AKNA: variants seen among roughly 807,000 people sequenced by gnomAD.
AKNA encodes the protein AT-hook transcription factor.
A neutral mutation model predicts 138.8 loss-of-function variants in AKNA; 67 were observed. The observed-to-expected ratio is 0.48, with a 90% CI of 0.40 to 0.59. AKNA has a LOEUF of 0.59. AKNA is among the 20% of genes least tolerant of loss of function. AKNA has a pLI of 0.00. For missense variants in AKNA, 1,813 were observed against 1,880.4 expected (o/e 0.96, Z 0.66); for synonymous variants, 737 against 754.4 (o/e 0.98, Z 0.38).
rs543776273 is a variant in AKNA at position 114,345,875 on chromosome 9, C to T, written c.3649G>A (p.Gly1217Ser). The T allele has an allele frequency of 6.2e-7, 1 of 1,614,066 alleles. No individual in the cohort carries two copies. The highest frequency in any genetic ancestry group is 1.1e-5 in the South Asian group (1 of 91,074). Residue 1217 changes from glycine (G) to serine (S), a missense_variant, in exon 18 of 22, where the codon GGC (glycine) becomes AGC (serine). Gly to Ser is a moderately conservative substitution (Grantham distance 56, BLOSUM62 0). Coordinates refer to ENST00000374088, the MANE Select transcript of AKNA (RefSeq NM_001317950.2). Reference sequence around the variant, plus strand: ...CCTCCTGACCTACCTGTGTATTGGCCCCGGAAGGTGACCCTGTCTGGCCAT... The same window carrying T: ...CCTCCTGACCTACCTGTGTATTGGCTCCGGAAGGTGACCCTGTCTGGCCAT... Reference protein sequence around the residue: ...AGWPDRVTFRGQYTGHEYHVL... With the variant: ...AGWPDRVTFRSQYTGHEYHVL...
In AKNA at chr9:114,343,736, G is replaced by C. The variant is rs968655172; in HGVS notation, c.3729C>G (p.His1243Gln). Residue 1243 changes from histidine (H) to glutamine (Q), a missense_variant, in exon 19 of 22, where the codon CAC becomes CAG. Transcript: ENST00000374088. The stretch of plus-strand genomic sequence containing the variant: ...CATCCTGGGTCCTAATGGGCCGGCA[G>C]TGGGGACAGGAGACTGTGCCATTGC... ...PKGNGTVSCPHCRPIRTQDAG... is the reference protein window; with the variant it reads ...PKGNGTVSCPQCRPIRTQDAG... 1.2e-6 allele frequency: 2 copies of C among 1,614,124 alleles called. No homozygotes were observed. The highest frequency in any genetic ancestry group is 1.7e-5 in the Admixed American group (1 of 60,012).
At chr9:114,391,867 A>AC (rs1834356047), upstream of AKNA, among the ~76,000 whole-genome samples, 1 of 149,646 alleles carries the variant, frequency 6.7e-6, no homozygotes, top group South Asian at 2.1e-4. Flanking sequence ...AAAAAAAAAA[A>AC]AAAAAAACAC....
chr9:114,380,080 G>T (rs1480524560), intron 2 of AKNA, among the ~76,000 whole-genome samples: 1 of 152,054 alleles, frequency 6.6e-6, no homozygotes, highest in Non-Finnish European at 1.5e-5. Context: ...GAGCCAGAAA[G>T]GTCGAGGCTG....
intron 14 of AKNA, among the ~76,000 whole-genome samples, chr9:114,353,949 G>A (rs756589352): frequency 6.6e-6 from 1 of 152,312 alleles, no homozygotes. Context: ...GGACATTACT[G>A]TACACTGCTG....
In AKNA at chr9:114,377,264, GT is replaced by G. The variant is rs1043441170; in HGVS notation, c.542del (p.Asp181AlafsTer26). ...TGACCTCGGAATGTTCAGAAAGTTTGTCCCCACTGGCTTGTTCGCCAGAAGC... is the reference window on the plus strand; with the variant it reads ...TGACCTCGGAATGTTCAGAAAGTTTGCCCCACTGGCTTGTTCGCCAGAAGC... ...WVASGEQASG[D>X]KLSEHSEVNP... On this transcript the variant is annotated frameshift_variant, in exon 3 of 22. Coordinates refer to ENST00000374088, the MANE Select transcript of AKNA (RefSeq NM_001317950.2). LOFTEE classifies it high-confidence loss of function. The G allele has an allele frequency of 6.2e-7, 1 of 1,614,172 alleles. No homozygotes were observed. Among genetic ancestry groups the G allele is most frequent in the African/African-American group, 1.3e-5 (1 of 75,048 alleles).
In AKNA at chr9:114,338,828, G is replaced by A. The variant is rs138510940; in HGVS notation, c.4068-1522C>T. On this transcript the variant is annotated intron_variant, in intron 21 of 21. Transcript: ENST00000374088. ...GCTCCGGTAAGTGCTCCATAAACGT[G>A]AGCTCCTAAGACCCAGAGTCAGACA... Among the ~76,000 whole-genome samples the A allele has an allele frequency of 3.9e-4, 59 of 152,310 alleles. No individual in the cohort carries two copies. In the East Asian group the frequency reaches 0.011, roughly 28 times the overall value.
chr9:114,355,111 T>A (rs58774465), intron 14 of AKNA, among the ~76,000 whole-genome samples: 2,760 of 151,310 alleles, frequency 0.018, 80 homozygotes, highest in African/African-American at 0.063. Flanking sequence ...TAAGTGATCC[T>A]CCCACCTTGG....
chr9:114,390,199 G>C (rs1358075971), upstream of AKNA, among the ~76,000 whole-genome samples: 1 of 152,132 alleles, frequency 6.6e-6, no homozygotes, highest in African/African-American at 2.4e-5. Flanking sequence ...AGTGCAGTCT[G>C]TTCCATTTCC....
At chr9:114,342,167 A>C in intron 19 of AKNA, 42 bp from the exon 20 acceptor site, 2 of 1,424,244 alleles carry the variant, frequency 1.4e-6, no homozygotes, top group African/African-American at 1.4e-5. Context: ...ATTACATCTA[A>C]ATCATCAGAT....
intron 15 of AKNA, among the ~76,000 whole-genome samples, chr9:114,348,333 T>C (rs1049963448): frequency 6.6e-6 from 1 of 152,212 alleles, no homozygotes; most frequent in Non-Finnish European, 1.5e-5. Flanking sequence ...TGGCAGAAGA[T>C]GCTTGTCCAC....
chr9:114,387,596 G>A (rs1172621697), intron 1 of AKNA, among the ~76,000 whole-genome samples: 1 of 152,190 alleles, frequency 6.6e-6, no homozygotes, highest in Non-Finnish European at 1.5e-5. Context: ...CACAGAGATG[G>A]ACCCGCCTAC....
intron 19 of AKNA, 32 bp downstream of exon 19, chr9:114,343,676 C>T: frequency 6.2e-7 from 1 of 1,607,126 alleles, no homozygotes; most frequent in Non-Finnish European, 8.5e-7. Context: ...GCCACAGCTG[C>T]CTGGGCCAGT....
intron 6 of AKNA, among the ~76,000 whole-genome samples, chr9:114,367,271 G>A (rs976675295): frequency 1.3e-5 from 2 of 152,116 alleles, no homozygotes; most frequent in African/African-American, 2.4e-5. Context: ...CCAGCCTAGA[G>A]ACACTTCCAA....
chr9:114,337,365 A>G, intron 21 of AKNA, 59 bp from the exon 22 acceptor site: 1 of 1,374,674 alleles, frequency 7.3e-7, no homozygotes, highest in Non-Finnish European at 9.5e-7. Context: ...CAAGCCGAGG[A>G]GCACCGTGTG....
chr9:114,349,771 AC>A (rs1830976871), intron 15 of AKNA, among the ~76,000 whole-genome samples: 1 of 151,236 alleles, frequency 6.6e-6, no homozygotes, highest in East Asian at 1.9e-4. Context: ...TCAACACTCC[AC>A]CCCCTCACAC....
intron 14 of AKNA, among the ~76,000 whole-genome samples, chr9:114,354,537 C>A (rs1033642836): frequency 6.6e-6 from 1 of 151,908 alleles, no homozygotes; most frequent in African/African-American, 2.4e-5. Context: ...CACGGTGAAA[C>A]CCCGTCTCTA....
In AKNA at chr9:114,377,322, G is replaced by A; in HGVS notation, c.485C>T (p.Ala162Val). 1 of 1,614,094 alleles carries A rather than the reference G, an allele frequency of 6.2e-7. No individual in the cohort carries two copies. The highest frequency in any genetic ancestry group is 1.7e-5 in the Admixed American group (1 of 60,016). ...GCCCCTGGCCTGACCATGCCCAAGA[G>A]CCATGGGGCTGGTGTTTCCATGGCC... Reference protein sequence around the residue: ...LEGHGNTSPMALGHGQARGWV... With the variant: ...LEGHGNTSPMVLGHGQARGWV... Residue 162 changes from alanine (A) to valine (V), a missense_variant, in exon 3 of 22, where the codon GCT becomes GTT. Ala to Val is a moderately conservative substitution (Grantham distance 64). Transcript: ENST00000374088.
intron 16 of AKNA, 104 bp downstream of exon 16, chr9:114,347,620 G>A (rs1830776891): frequency 1.7e-6 from 2 of 1,177,080 alleles, no homozygotes; most frequent in Non-Finnish European, 2.3e-6. Flanking sequence ...AGAGAGGGAT[G>A]TGGCAGTGCC....
chr9:114,365,836 A>G (rs1832305790), intron 6 of AKNA, among the ~76,000 whole-genome samples: 1 of 152,256 alleles, frequency 6.6e-6, no homozygotes, highest in African/African-American at 2.4e-5. Flanking sequence ...CAACAGTCAC[A>G]TGTGGCCAGC....
Sources: gnomAD v4.1 joint callset for allele counts (sites outside exome capture counted in the v4.1 genomes callset) on GRCh38, gnomAD v4.1.1 for gene constraint, MANE v1.5 for transcripts, NCBI Gene and HGNC (gene_info 2026-07-23, HGNC 2026-07-21) for gene names.